Variants in ELAVL4 observed in about 807,000 individuals in gnomAD.
ELAVL4 encodes ELAV-like protein 4.
A neutral mutation model predicts 35.6 loss-of-function variants in ELAVL4; 1 was observed. The ratio of observed to expected loss-of-function variants is 0.03; its 90% CI spans 0.01 to 0.13. The LOEUF (loss-of-function observed/expected upper bound fraction) is 0.13, where lower values mean the gene tolerates loss of function less well. Ranked by LOEUF, ELAVL4 falls within the 10% of genes least tolerant of loss-of-function variation. The probability of loss-of-function intolerance (pLI) is 1.00; values close to 1 mark genes in which losing one functional copy is unlikely to be tolerated. For synonymous variants in ELAVL4, 156 were observed against 171.0 expected (o/e 0.91, Z 0.69); for missense variants, 267 against 464.9 (o/e 0.57, Z 3.91).
chr1:50,190,934 A>G (rs1178062836), intron 3 of ELAVL4, among the ~76,000 whole-genome samples: 1 of 151,972 alleles, frequency 6.6e-6, no homozygotes, highest in Admixed American at 6.6e-5. Context: ...CTCCACCACC[A>G]CCTTTCTCAC....
intron 3 of ELAVL4, among the ~76,000 whole-genome samples, chr1:50,185,054 G>A (rs970274872): frequency 6.6e-6 from 1 of 152,176 alleles, no homozygotes; most frequent in African/African-American, 2.4e-5. Context: ...ACCTATATTA[G>A]ACAGCACAGA....
intron 2 of ELAVL4, among the ~76,000 whole-genome samples, chr1:50,170,520 C>G (rs1257531408): frequency 6.6e-6 from 1 of 152,312 alleles, no homozygotes; most frequent in South Asian, 2.1e-4. Flanking sequence ...TTCAGACACA[C>G]GTCTGACCAA....
At chr1:50,190,744 CA>C (rs1682541415) in intron 3 of ELAVL4, among the ~76,000 whole-genome samples, 1 of 152,222 alleles carries the variant, frequency 6.6e-6, no homozygotes, top group Non-Finnish European at 1.5e-5. Flanking sequence ...TCTTCCCTGG[CA>C]GGGTTCACCC....
chr1:50,078,800 TGAC>T (rs1355560188), intron 1 of ELAVL4, among the ~76,000 whole-genome samples: 3 of 152,222 alleles, frequency 2.0e-5, no homozygotes, highest in African/African-American at 2.4e-5. Flanking sequence ...CACATCCTGC[TGAC>T]ACCACCCTCT....
Position 50,192,976 on chromosome 1 carries a change from A to T in ELAVL4, c.355-789A>T, listed in dbSNP as rs149733817. 9.2e-4 allele frequency among the ~76,000 whole-genome samples: 140 copies of T among 152,266 alleles called. 1 individual carries two copies. Among genetic ancestry groups the T allele is most frequent in the African/African-American group, 3.3e-3 (136 of 41,534 alleles). On this transcript the variant is annotated intron_variant, in intron 3 of 6. Transcript: ENST00000371824. ...AAGCAGTTGAGAGATCTGGGAGGAC[A>T]AATTTACAAAGTCGAACTTATTATA...
chr1:50,102,103 C>T (rs1439700171), upstream of ELAVL4, among the ~76,000 whole-genome samples: 2 of 151,860 alleles, frequency 1.3e-5, no homozygotes, highest in East Asian at 1.9e-4. Flanking sequence ...CTGGCTAACA[C>T]GGTGAAACCC....
intron 1 of ELAVL4, among the ~76,000 whole-genome samples, chr1:50,139,024 A>C (rs1672368749): frequency 6.6e-6 from 1 of 152,206 alleles, no homozygotes; most frequent in South Asian, 2.1e-4. Context: ...AATTGAAAAA[A>C]AATCTGCATT....
chr1:50,151,966 T>G (rs1353197450), intron 2 of ELAVL4, among the ~76,000 whole-genome samples: 1 of 152,146 alleles, frequency 6.6e-6, no homozygotes, highest in African/African-American at 2.4e-5. Flanking sequence ...GAACGTGTAG[T>G]GCAAACAGTA....
chr1:50,111,157 G>A (rs1382980750), intron 1 of ELAVL4, among the ~76,000 whole-genome samples: 3 of 151,692 alleles, frequency 2.0e-5, no homozygotes, highest in Non-Finnish European at 4.4e-5. Flanking sequence ...GTGTGTGTGC[G>A]CGTGTGGTTT....
chr1:50,136,221 A>G (rs1671861881), intron 1 of ELAVL4, among the ~76,000 whole-genome samples: 1 of 152,132 alleles, frequency 6.6e-6, no homozygotes, highest in Admixed American at 6.6e-5. Flanking sequence ...AAAAAAAAAT[A>G]ATGTCTGTCT....
intron 1 of ELAVL4, among the ~76,000 whole-genome samples, chr1:50,084,262 C>T (rs1347070623): frequency 6.6e-6 from 1 of 151,914 alleles, no homozygotes. Context: ...GCATGTTTAC[C>T]ATGTGTCAAC....
At chr1:50,077,564 C>A (rs914663828) in intron 1 of ELAVL4, among the ~76,000 whole-genome samples, 5 of 152,210 alleles carry the variant, frequency 3.3e-5, no homozygotes, top group African/African-American at 1.2e-4. Context: ...AAATGTTAAT[C>A]TCATTTAAAA....
rs1663353279 is a variant in ELAVL4 at position 50,051,129 on chromosome 1, TACA to T, written c.18+2951_18+2953del. Among the ~76,000 whole-genome samples, 8 of 152,286 alleles carry T rather than the reference TACA, an allele frequency of 5.3e-5. No homozygotes were observed. In the East Asian group the frequency reaches 9.6e-4, roughly 18 times the overall value. On this transcript the variant is annotated intron_variant, in intron 1 of 6. Coordinates refer to the ELAVL4 transcript ENST00000448907. Reference sequence around the variant, plus strand: ...CTAAACTTAGTAGTCATGAACTTTTTACAACATTATGTCTTGGGAATATAGGCA... The same window carrying T: ...CTAAACTTAGTAGTCATGAACTTTTTACATTATGTCTTGGGAATATAGGCA...
At chr1:50,144,844 C>A in intron 1 of ELAVL4, 113 bp from the exon 2 acceptor site, 1 of 1,508,518 alleles carries the variant, frequency 6.6e-7, no homozygotes, top group Non-Finnish European at 9.1e-7. Context: ...GTCTCTTGCT[C>A]CATCTTGCTT....
intron 1 of ELAVL4, among the ~76,000 whole-genome samples, chr1:50,086,403 A>G (rs1312730195): frequency 6.6e-6 from 1 of 151,620 alleles, no homozygotes; most frequent in Non-Finnish European, 1.5e-5. Context: ...AAAAAAATAG[A>G]TTTCAAAATA....
chr1:50,068,204 T>G (rs1166668208), intron 1 of ELAVL4, among the ~76,000 whole-genome samples: 1 of 152,020 alleles, frequency 6.6e-6, no homozygotes, highest in Non-Finnish European at 1.5e-5. Context: ...CAGGGATATG[T>G]AGAGATAGGG....
chr1:50,179,095 G>A (rs973701678), intron 3 of ELAVL4, among the ~76,000 whole-genome samples: 1 of 152,004 alleles, frequency 6.6e-6, no homozygotes, highest in Non-Finnish European at 1.5e-5. Context: ...GGATCTTAGA[G>A]ACAAGGATCA....
intron 1 of ELAVL4, among the ~76,000 whole-genome samples, chr1:50,067,889 C>A (rs1251939366): frequency 1.3e-5 from 2 of 152,220 alleles, no homozygotes. Flanking sequence ...GGTGGAAAAG[C>A]CCCTTATAAA....
chr1:50,165,318 AC>A (rs1225210857), intron 2 of ELAVL4, among the ~76,000 whole-genome samples: 1 of 151,398 alleles, frequency 6.6e-6, no homozygotes, highest in Non-Finnish European at 1.5e-5. Context: ...CCCTTCAATC[AC>A]CCCAGCCCTT....
Sources: allele counts gnomAD v4.1 joint callset (sites outside exome capture counted in the v4.1 genomes callset), GRCh38; gene constraint gnomAD v4.1.1; transcripts MANE v1.5; gene names NCBI Gene and HGNC (gene_info 2026-07-23, HGNC 2026-07-21).